The following ALG9 variants were observed in gnomAD, a reference collection of about 807,000 sequenced individuals.
ALG9 encodes the protein ALG9 alpha-1,2-mannosyltransferase, also known as alpha-1,2-mannosyltransferase ALG9.
ALG9 carries 55 observed loss-of-function variants against 81.8 expected under a neutral mutation model. That is an observed-to-expected ratio of 0.67 (90% confidence interval 0.54 to 0.84). ALG9 has a LOEUF of 0.84. ALG9 is among the 40% of genes least tolerant of loss of function. The pLI is 0.00. For missense variants in ALG9, 629 were observed against 745.0 expected (o/e 0.84, Z 1.81); for synonymous variants, 278 against 274.3 (o/e 1.01, Z -0.13).
At chr11:111,805,912 A>G (rs1244113231) in intron 14 of ALG9, among the ~76,000 whole-genome samples, 2 of 152,120 alleles carry the variant, frequency 1.3e-5, no homozygotes, top group African/African-American at 4.8e-5. Context: ...GTTGGAGTGC[A>G]GTGGTGTGAT....
intron 14 of ALG9, among the ~76,000 whole-genome samples, chr11:111,807,861 G>C (rs2136395151): frequency 6.6e-6 from 1 of 152,320 alleles, no homozygotes; most frequent in East Asian, 1.9e-4. Context: ...GAGGTGGGCG[G>C]ATAGCTTGAG....
chr11:111,792,564 G>A (rs1055654938), intron 14 of ALG9, among the ~76,000 whole-genome samples: 4 of 152,176 alleles, frequency 2.6e-5, no homozygotes, highest in Non-Finnish European at 5.9e-5. Context: ...ATCTTGCTAA[G>A]GACAAACATG....
the ALG9 span, among the ~76,000 whole-genome samples, chr11:111,773,904 G>A: frequency 1.4e-4 from 21 of 151,124 alleles, no homozygotes; most frequent in South Asian, 3.4e-3. Flanking sequence ...ACAAGTGTAT[G>A]TCACCATGCC....
At position 111,809,642 on chromosome 11, in the gene ALG9, C is replaced by T; in HGVS notation, c.1733+1G>A. 1.2e-6 allele frequency: 2 copies of T among 1,613,978 alleles called. No homozygotes were observed. The highest frequency in any genetic ancestry group is 1.7e-6 in the Non-Finnish European group (2 of 1,179,940). Reference sequence around the variant, plus strand: ...TATCCCATAGGATTAAAGCCACATACCTAGAAGCATCAAGGAATGGTCTAT... The same window carrying T: ...TATCCCATAGGATTAAAGCCACATATCTAGAAGCATCAAGGAATGGTCTAT... On this transcript the variant is annotated splice_donor_variant, in intron 14 of 14. Transcript: ENST00000616540. LOFTEE classifies it high-confidence loss of function.
intron 13 of ALG9, among the ~76,000 whole-genome samples, chr11:111,820,920 GCACACACACA>G (rs58305552): frequency 2.1e-5 from 3 of 146,264 alleles, no homozygotes; most frequent in Non-Finnish European, 4.5e-5. Context: ...AAACACGCGC[GCACACACACA>G]CACACACACA....
Position 111,870,367 on chromosome 11 carries a change from T to C in ALG9, c.135A>G (p.Leu45=). The C allele has an allele frequency of 2.0e-6, 2 of 990,052 alleles. No individual in the cohort carries two copies. Among genetic ancestry groups the C allele is most frequent in the Non-Finnish European group, 2.7e-6 (2 of 737,684 alleles). 61.3% of individuals were successfully genotyped at this position (990,052 alleles called of 1,614,324 possible). A position where few individuals can be genotyped will look rare whatever the true frequency, so the allele number is the denominator to read the frequency against. ...AGACTTGTCCTGCTTTGTTCCCAGA[T>C]AACCTGTTCAAAAGCAAAAAAAAAA... ...EAGGAEHRTE[L]SGNKAGQVWA... Residue 45 remains leucine, a synonymous_variant, in exon 2 of 15, where the codon TTA becomes TTG. Coordinates refer to ENST00000616540, the MANE Select transcript of ALG9 (RefSeq NM_024740.2).
At chr11:111,781,899 G>C (rs1440645662), downstream of ALG9, among the ~76,000 whole-genome samples, 1 of 152,202 alleles carries the variant, frequency 6.6e-6, no homozygotes, top group African/African-American at 2.4e-5. Flanking sequence ...ACCCGTCTCG[G>C]CATCCCACAG....
rs151112477 is a variant in ALG9 at position 111,810,493 on chromosome 11, C to T, written c.1603-720G>A. The stretch of plus-strand genomic sequence containing the variant: ...ATGCTGAGCCAGGTCCGGTGACTCT[C>T]GCCTGTAGTCCCAGCACTTTGGGAG... On this transcript the variant is annotated intron_variant, in intron 13 of 14. Transcript: ENST00000616540. Among the ~76,000 whole-genome samples the T allele has an allele frequency of 4.7e-4, 71 of 152,292 alleles. No homozygotes were observed. The East Asian group carries it at 9.2e-3, about 20-fold the overall frequency.
rs1446793975 is a variant in ALG9 at position 111,858,198 on chromosome 11, G to C, written c.566-461C>G. Reference sequence around the variant, plus strand: ...GATCTGCCTGTCTCGACCTCCCAAAGTACCGGGATTACAGGCGTGAACCAC... The same window carrying C: ...GATCTGCCTGTCTCGACCTCCCAAACTACCGGGATTACAGGCGTGAACCAC... On this transcript the variant is annotated intron_variant, in intron 5 of 14. Coordinates refer to ENST00000616540, the MANE Select transcript of ALG9 (RefSeq NM_024740.2). Among the ~76,000 whole-genome samples, 9 of 152,222 alleles carry C rather than the reference G, an allele frequency of 5.9e-5. No homozygotes were observed. The South Asian group carries it at 1.2e-3, about 21-fold the overall frequency.
At chr11:111,778,382 G>A (rs1945753612), downstream of ALG9, 1 of 152,300 alleles carries the variant, frequency 6.6e-6, no homozygotes, top group East Asian at 1.9e-4. Context: ...TGAGATGAGA[G>A]GATCAATGGG....
At chr11:111,825,964 G>T (rs1953182059) in intron 13 of ALG9, among the ~76,000 whole-genome samples, 1 of 151,780 alleles carries the variant, frequency 6.6e-6, no homozygotes. Flanking sequence ...TACTCAGGAA[G>T]CTGAGACAGG....
chr11:111,824,328 G>A (rs1487512366), intron 13 of ALG9, among the ~76,000 whole-genome samples: 1 of 152,146 alleles, frequency 6.6e-6, no homozygotes, highest in East Asian at 1.9e-4. Context: ...AAATTTTAGA[G>A]AATTTCTACT....
Position 111,786,362 on chromosome 11 carries a change from CA to C in ALG9, c.*34del. The C allele has an allele frequency of 6.2e-7, 1 of 1,613,104 alleles. No individual in the cohort carries two copies. Among genetic ancestry groups the C allele is most frequent in the Non-Finnish European group, 8.5e-7 (1 of 1,179,378 alleles). ...TCAGGTCACTGGAATCAATAGTTAACAAGATGGTTGTCCTTTGGGGCCACAG... is the reference window on the plus strand; with the variant it reads ...TCAGGTCACTGGAATCAATAGTTAACAGATGGTTGTCCTTTGGGGCCACAG... On this transcript the variant is annotated 3_prime_UTR_variant, in exon 15 of 15. Coordinates refer to ENST00000616540, the MANE Select transcript of ALG9 (RefSeq NM_024740.2).
chr11:111,788,469 C>T (rs1555067213), intron 14 of ALG9: 2 of 453,848 alleles, frequency 4.4e-6, no homozygotes, highest in African/African-American at 4.0e-5. Context: ...AATGGCCAGG[C>T]ACGGTGGCTC....
the ALG9 span, chr11:111,769,160 A>AAAT: frequency 1.3e-5 from 2 of 150,164 alleles, no homozygotes; most frequent in African/African-American, 4.9e-5. Flanking sequence ...AAAAAAAAAA[A>AAAT]CTTAGCAGGA....
At chr11:111,832,288 T>A (rs1954503112) in intron 13 of ALG9, among the ~76,000 whole-genome samples, 1 of 152,178 alleles carries the variant, frequency 6.6e-6, no homozygotes, top group Non-Finnish European at 1.5e-5. Flanking sequence ...TAATTTTTAT[T>A]TTTTCAGAGA....
At chr11:111,844,171 A>ATT (rs1956627193) in intron 9 of ALG9, among the ~76,000 whole-genome samples, 1 of 151,984 alleles carries the variant, frequency 6.6e-6, no homozygotes, top group African/African-American at 2.4e-5. Flanking sequence ...TGTCTGGCTA[A>ATT]TTTTTGTATT....
At chr11:111,787,520 G>A (rs757951678) in intron 14 of ALG9, among the ~76,000 whole-genome samples, 4 of 151,948 alleles carry the variant, frequency 2.6e-5, no homozygotes, top group Middle Eastern at 3.4e-3. Flanking sequence ...GCCGTGGTGC[G>A]ATCTCAGCTC....
chr11:111,829,393 C>T (rs959821178), intron 13 of ALG9, among the ~76,000 whole-genome samples: 13 of 152,150 alleles, frequency 8.5e-5, no homozygotes, highest in Admixed American at 6.5e-5. Flanking sequence ...ATTTAAGACT[C>T]ATTTTGAAAG....
Sources: allele counts gnomAD v4.1 joint callset (sites outside exome capture counted in the v4.1 genomes callset), GRCh38; gene constraint gnomAD v4.1.1; transcripts MANE v1.5; gene names NCBI Gene and HGNC (gene_info 2026-07-23, HGNC 2026-07-21).